Variants in IPO11 observed in about 807,000 individuals in gnomAD.
IPO11 encodes the protein importin-11.
A neutral mutation model predicts 143.2 loss-of-function variants in IPO11; 66 were observed. The observed-to-expected ratio is 0.46, with a 90% CI of 0.38 to 0.57. IPO11 has a LOEUF of 0.57. Ranked by LOEUF, IPO11 falls within the 20% of genes least tolerant of loss-of-function variation. IPO11 has a pLI of 0.00. For missense variants in IPO11, 1,026 were observed against 1,141.0 expected, an observed-to-expected ratio of 0.90 and a Z score of 1.45; for synonymous variants, 385 against 377.8, an observed-to-expected ratio of 1.02 and a Z score of -0.22.
intron 6 of IPO11, among the ~76,000 whole-genome samples, chr5:62,467,833 T>C (rs1171545034): frequency 6.6e-6 from 1 of 152,222 alleles, no homozygotes; most frequent in Non-Finnish European, 1.5e-5. Flanking sequence ...ATGAATGTAT[T>C]CCTAGGTTCC....
At chr5:62,480,267 C>T (rs1746138367) in intron 9 of IPO11, among the ~76,000 whole-genome samples, 1 of 152,158 alleles carries the variant, frequency 6.6e-6, no homozygotes, top group Admixed American at 6.6e-5. Context: ...GGTGTTATTT[C>T]TGAGAGCCCT....
chr5:62,543,980 A>T (rs952293963), intron 24 of IPO11, among the ~76,000 whole-genome samples: 1 of 152,148 alleles, frequency 6.6e-6, no homozygotes, highest in South Asian at 2.1e-4. Flanking sequence ...TTCAGTTTCC[A>T]TGTAGTTGAG....
intron 1 of IPO11, among the ~76,000 whole-genome samples, chr5:62,413,995 C>A (rs1580147383): frequency 6.6e-6 from 1 of 152,126 alleles, no homozygotes; most frequent in African/African-American, 2.4e-5. Context: ...AGTAACCTAG[C>A]ACAGGGTATA....
intron 3 of IPO11, among the ~76,000 whole-genome samples, chr5:62,443,521 A>G (rs1744586981): frequency 6.6e-6 from 1 of 151,690 alleles, no homozygotes; most frequent in African/African-American, 2.4e-5. Context: ...GTACCCACTT[A>G]AAAGGCTGAG....
rs1561330391 is a variant in IPO11 at position 62,485,478 on chromosome 5, A to C, written c.1218+16A>C. The C allele has an allele frequency of 6.3e-7, 1 of 1,585,772 alleles. No individual in the cohort carries two copies. Among genetic ancestry groups the C allele is most frequent in the Admixed American group, 1.7e-5 (1 of 59,882 alleles). ...TAGTTTGAGGGTAAGTATTAATTGC[A>C]AGAAAAATTGATAGGGGAAAGCTTA... On this transcript the variant is annotated intron_variant, in intron 12 of 29. Coordinates refer to ENST00000325324, the MANE Select transcript of IPO11 (RefSeq NM_016338.5).
chr5:62,579,518 A>G (rs1354684520), intron 27 of IPO11: 1 of 1,550,980 alleles, frequency 6.4e-7, no homozygotes, highest in East Asian at 2.4e-5. Context: ...TTACTCCACA[A>G]AGAAATACTT....
chr5:62,605,330 C>T (rs908748366), intron 29 of IPO11, among the ~76,000 whole-genome samples: 7 of 152,214 alleles, frequency 4.6e-5, no homozygotes, highest in South Asian at 2.1e-4. Context: ...ATTTTCCATA[C>T]GTTTCTGAGA....
rs1278209378 is a variant in IPO11, at chr5:62,581,081, A to G, written c.2583-10496A>G. ...GTTTTAATCATTTTTTTGATCTACAAAGTTGTTCAGTTTAAACAAAAACTA... is the reference window on the plus strand; with the variant it reads ...GTTTTAATCATTTTTTTGATCTACAGAGTTGTTCAGTTTAAACAAAAACTA... On this transcript the variant is annotated intron_variant, in intron 27 of 29. Transcript: ENST00000325324. 3.2e-6 allele frequency: 5 copies of G among 1,549,566 alleles called. No homozygotes were observed. The highest frequency in any genetic ancestry group is 4.9e-5 in the East Asian group (2 of 40,896).
At chr5:62,450,810 A>G (rs1259906315) in intron 4 of IPO11, among the ~76,000 whole-genome samples, 2 of 152,274 alleles carry the variant, frequency 1.3e-5, no homozygotes, top group African/African-American at 4.8e-5. Context: ...TCTTCTAAGA[A>G]TAAAATAAGT....
intron 27 of IPO11, among the ~76,000 whole-genome samples, chr5:62,573,043 G>A (rs983170736): frequency 6.6e-6 from 1 of 151,570 alleles, no homozygotes; most frequent in African/African-American, 2.4e-5. Flanking sequence ...TTCTTGGGGT[G>A]TAAAGCTTTA....
At chr5:62,490,485 A>G (rs1479641102) in intron 15 of IPO11, among the ~76,000 whole-genome samples, 2 of 152,172 alleles carry the variant, frequency 1.3e-5, no homozygotes, top group African/African-American at 2.4e-5. Flanking sequence ...TAAGAAAAAG[A>G]CAGTTCGAAA....
chr5:62,531,642 C>T (rs532867418), intron 22 of IPO11, among the ~76,000 whole-genome samples: 1 of 152,236 alleles, frequency 6.6e-6, no homozygotes, highest in African/African-American at 2.4e-5. Flanking sequence ...ATGAATGACA[C>T]ACTGGAAAAA....
intron 20 of IPO11, among the ~76,000 whole-genome samples, chr5:62,517,553 C>G (rs1742068510): frequency 6.6e-6 from 1 of 152,140 alleles, no homozygotes; most frequent in African/African-American, 2.4e-5. Flanking sequence ...CAGGCATGCT[C>G]CACCATGCCT....
At chr5:62,491,732 C>A (rs555744441) in intron 15 of IPO11, among the ~76,000 whole-genome samples, 175 of 146,434 alleles carry the variant, frequency 1.2e-3, no homozygotes, top group African/African-American at 4.3e-3. Flanking sequence ...GTGGCGCGAT[C>A]TCGACTCACT....
Position 62,451,689 on chromosome 5 carries a change from T to G in IPO11, c.313-41T>G, listed in dbSNP as rs1744931393. The G allele has an allele frequency of 2.0e-6, 3 of 1,466,252 alleles. No individual in the cohort carries two copies. In the South Asian group the frequency reaches 3.4e-5, roughly 17 times the overall value. The allele number at this position is 1,466,252 out of a possible 1,614,324, so 90.8% of individuals were successfully genotyped here. On this transcript the variant is annotated intron_variant, in intron 4 of 29. Transcript: ENST00000325324. Reference sequence around the variant, plus strand: ...TTTGTCACCGTGAATGCATTCCTTATCTATTGCCTTGATTCCATTTGTTTA... The same window carrying G: ...TTTGTCACCGTGAATGCATTCCTTAGCTATTGCCTTGATTCCATTTGTTTA...
chr5:62,487,775 G>T lies in IPO11; in HGVS notation c.1223G>T (p.Cys408Phe). ...TTTGTATTTTTCCCTCTCCAGCCAT[G>T]CACTGAAGTATTATTTATAGATATA... ...GDSWKYSLRP[C>F]TEVLFIDIFH... The change falls in exon 13 of 30, where the codon TGC becomes TTC. Residue 408 changes from cysteine (C) to phenylalanine (F), a missense_variant. Coordinates refer to ENST00000325324, the MANE Select transcript of IPO11 (RefSeq NM_016338.5). 1 of 1,588,362 alleles carries T rather than the reference G, an allele frequency of 6.3e-7. No homozygotes were observed.
intron 22 of IPO11, among the ~76,000 whole-genome samples, chr5:62,533,212 CTTCTT>C (rs1742618728): frequency 4.4e-5 from 4 of 90,968 alleles, no homozygotes; most frequent in African/African-American, 4.9e-5. Context: ...TTCTTTCTTT[CTTCTT>C]TTTTTTTTTT....
chr5:62,592,304 G>A (rs1419752411), intron 28 of IPO11, among the ~76,000 whole-genome samples: 1 of 149,438 alleles, frequency 6.7e-6, no homozygotes, highest in Non-Finnish European at 1.5e-5. Flanking sequence ...TTTCAGTTTT[G>A]CTGTTTATAA....
At chr5:62,608,930 G>C (rs952332497) in intron 29 of IPO11, among the ~76,000 whole-genome samples, 1 of 152,136 alleles carries the variant, frequency 6.6e-6, no homozygotes, top group Non-Finnish European at 1.5e-5. Flanking sequence ...TCCCTCCCCT[G>C]AGCCCCTGGT....
Sources: allele counts gnomAD v4.1 joint callset (sites outside exome capture counted in the v4.1 genomes callset), GRCh38; gene constraint gnomAD v4.1.1; transcripts MANE v1.5; gene names NCBI Gene and HGNC (gene_info 2026-07-23, HGNC 2026-07-21).